The following SMC5 variants were observed in gnomAD, a reference collection of about 807,000 sequenced individuals.
SMC5 encodes the protein structural maintenance of chromosomes 5, also known as structural maintenance of chromosomes protein 5.
SMC5 carries 88 observed loss-of-function variants against 148.3 expected under a neutral mutation model. The observed-to-expected ratio is 0.59, with a 90% CI of 0.50 to 0.71. SMC5 has a LOEUF of 0.71. Among genes scored for constraint, SMC5 ranks in the 30% least tolerant of loss-of-function variants. SMC5 has a pLI of 0.00. For synonymous variants in SMC5, 421 were observed against 432.8 expected, an observed-to-expected ratio of 0.97 and a Z score of 0.34; for missense variants, 1,142 against 1,298.9, an observed-to-expected ratio of 0.88 and a Z score of 1.86.
rs73647462 is a variant in SMC5 at position 70,323,612 on chromosome 9, G to A, written c.2274+6G>A. 2,485 of 1,606,150 alleles carry A rather than the reference G, an allele frequency of 1.5e-3. 44 individuals are homozygous for A. In the African/African-American group the frequency reaches 0.03, roughly 19 times the overall value. On this transcript the variant is annotated splice_donor_region_variant and intron_variant, in intron 16 of 24. Coordinates refer to ENST00000361138, the MANE Select transcript of SMC5 (RefSeq NM_015110.4). The stretch of plus-strand genomic sequence containing the variant: ...AATTAACAAACCTAATAAAGGTAAG[G>A]TATTGTTTTAATTTTAGTCATTTTT...
intron 8 of SMC5, among the ~76,000 whole-genome samples, chr9:70,296,846 T>C (rs973327872): frequency 1.3e-5 from 2 of 152,234 alleles, no homozygotes; most frequent in African/African-American, 4.8e-5. Context: ...GACCATAGTT[T>C]TGATAAAAAT....
At position 70,350,160 on chromosome 9, in the gene SMC5, G is replaced by A. The variant is rs532203884; in HGVS notation, c.2936G>A (p.Ser979Asn). The change falls in exon 23 of 25, where the codon AGT becomes AAT. Residue 979 changes from serine (S) to asparagine (N), a missense_variant. This residue lies in a region of SMC5 where 743 missense variants were observed against 835.7 expected (regional missense o/e 0.89). Transcript: ENST00000361138. The stretch of plus-strand genomic sequence containing the variant: ...ATTCGAATTAGAGTCAAATTTCGAA[G>A]TAGTACTCAACTGCATGAATTAACT... ...YGIRIRVKFR[S>N]STQLHELTPH... 396 of 1,611,394 alleles carry A rather than the reference G, an allele frequency of 2.5e-4. 4 individuals carry two copies. The South Asian group carries it at 4.1e-3, about 17-fold the overall frequency.
Position 70,323,563 on chromosome 9 carries a change from T to C in SMC5, c.2231T>C (p.Val744Ala), listed in dbSNP as rs934992948. Residue 744 changes from valine (V) to alanine (A), a missense_variant, in exon 16 of 25, where the codon GTT becomes GCT. This residue lies in a region of SMC5 where 743 missense variants were observed against 835.7 expected (regional missense o/e 0.89). Coordinates refer to ENST00000361138, the MANE Select transcript of SMC5 (RefSeq NM_015110.4). ...AGTACCAAAATCAAAGAAATAAATG[T>C]TCAAAAAGCGAAACTTGTTACCGAA... ...KASTKIKEIN[V>A]QKAKLVTELT... 2.5e-6 allele frequency: 4 copies of C among 1,612,372 alleles called. No individual in the cohort carries two copies. The African/African-American group carries it at 4.0e-5, about 16-fold the overall frequency.
Position 70,302,470 on chromosome 9 carries a change from C to T in SMC5, c.1464+2270C>T, listed in dbSNP as rs550386783. Among the ~76,000 whole-genome samples the T allele has an allele frequency of 8.7e-5, 13 of 149,932 alleles. No homozygotes were observed. The South Asian group carries it at 1.7e-3, about 20-fold the overall frequency. ...ATCACACTGCTACAATCCAGCCTGG[C>T]GACAGAGCTAGACTCCGTCTCAAGA... On this transcript the variant is annotated intron_variant, in intron 10 of 24. Coordinates refer to ENST00000361138, the MANE Select transcript of SMC5 (RefSeq NM_015110.4).
At chr9:70,260,883 T>C (rs1468280059) in intron 1 of SMC5, among the ~76,000 whole-genome samples, 2 of 152,160 alleles carry the variant, frequency 1.3e-5, no homozygotes, top group Non-Finnish European at 2.9e-5. Flanking sequence ...GCTCGGACTA[T>C]AGGCGCGTAC....
chr9:70,275,787 C>A (rs1056583182), intron 3 of SMC5, among the ~76,000 whole-genome samples: 1 of 152,054 alleles, frequency 6.6e-6, no homozygotes, highest in Non-Finnish European at 1.5e-5. Flanking sequence ...TAATGACACT[C>A]TTAAACCTAC....
intron 7 of SMC5, 36 bp downstream of exon 7, chr9:70,282,619 T>A: frequency 6.6e-7 from 1 of 1,524,688 alleles, no homozygotes; most frequent in Non-Finnish European, 8.8e-7. Flanking sequence ...TATCTGAATT[T>A]TATTTTAGCA....
At chr9:70,280,621 G>A (rs2034721747) in intron 5 of SMC5, 138 bp from the exon 6 acceptor site, 1 of 718,246 alleles carries the variant, frequency 1.4e-6, no homozygotes, top group South Asian at 1.9e-5. Context: ...TGCCTAGGCT[G>A]GAGTCTACAT....
intron 9 of SMC5, among the ~76,000 whole-genome samples, chr9:70,299,183 A>G (rs549990788): frequency 6.6e-6 from 1 of 152,046 alleles, no homozygotes; most frequent in Admixed American, 6.5e-5. Context: ...GGCCGAAAAC[A>G]TTTAGTGTTT....
intron 10 of SMC5, among the ~76,000 whole-genome samples, chr9:70,302,939 A>G (rs2035398245): frequency 6.6e-6 from 1 of 152,138 alleles, no homozygotes; most frequent in South Asian, 2.1e-4. Context: ...TCTAACAAAT[A>G]CACCTTGGGG....
intron 10 of SMC5, among the ~76,000 whole-genome samples, chr9:70,304,128 A>G (rs916345029): frequency 6.6e-6 from 1 of 152,098 alleles, no homozygotes. Flanking sequence ...TCACTCTGTC[A>G]CCCAGGATGG....
chr9:70,309,659 T>G (rs1291548613), intron 11 of SMC5, among the ~76,000 whole-genome samples: 2 of 152,180 alleles, frequency 1.3e-5, no homozygotes, highest in Non-Finnish European at 2.9e-5. Flanking sequence ...AGCAATTCAG[T>G]TACATCTTTG....
chr9:70,275,168 G>A (rs1406244928), intron 3 of SMC5, among the ~76,000 whole-genome samples: 1 of 152,014 alleles, frequency 6.6e-6, no homozygotes, highest in East Asian at 1.9e-4. Context: ...TATATTGACA[G>A]GTCTCTTTTC....
At chr9:70,296,247 A>C (rs1325486741) in intron 8 of SMC5, among the ~76,000 whole-genome samples, 1 of 152,204 alleles carries the variant, frequency 6.6e-6, no homozygotes, top group Non-Finnish European at 1.5e-5. Context: ...CTCTCAATGC[A>C]TTTTTAGTGA....
chr9:70,347,599 T>G lies in SMC5; in HGVS notation c.2665-14T>G. 7.0e-7 allele frequency: 1 copy of G among 1,426,906 alleles called. No homozygotes were observed. The highest frequency in any genetic ancestry group is 1.5e-5 in the African/African-American group (1 of 68,846). 88.4% of individuals were successfully genotyped at this position (1,426,906 alleles called of 1,614,324 possible). A position where few individuals can be genotyped will look rare whatever the true frequency, so the allele number is the denominator to read the frequency against. On this transcript the variant is annotated splice_polypyrimidine_tract_variant and intron_variant, in intron 20 of 24. Coordinates refer to ENST00000361138, the MANE Select transcript of SMC5 (RefSeq NM_015110.4). ...GTAGATTTATCTTAAAGAAGTTTTTTTTTCCCCTGCCAGATTGTTCAGGAA... is the reference window on the plus strand; with the variant it reads ...GTAGATTTATCTTAAAGAAGTTTTTGTTTCCCCTGCCAGATTGTTCAGGAA...
chr9:70,338,297 C>T (rs570164862), intron 17 of SMC5, among the ~76,000 whole-genome samples: 1 of 152,328 alleles, frequency 6.6e-6, no homozygotes. Context: ...AGGCATGTGC[C>T]ACCATGCCCA....
chr9:70,331,456 G>T (rs1261223215), intron 17 of SMC5, among the ~76,000 whole-genome samples: 1 of 151,560 alleles, frequency 6.6e-6, no homozygotes, highest in African/African-American at 2.4e-5. Flanking sequence ...CTTGATAATA[G>T]AAATTATTGA....
chr9:70,295,032 G>A (rs1418716487), intron 8 of SMC5, among the ~76,000 whole-genome samples: 1 of 152,058 alleles, frequency 6.6e-6, no homozygotes, highest in African/African-American at 2.4e-5. Flanking sequence ...AAAGGAGGAA[G>A]GAGTACAGTG....
chr9:70,285,874 C>T (rs2034885788), intron 7 of SMC5, among the ~76,000 whole-genome samples: 1 of 152,102 alleles, frequency 6.6e-6, no homozygotes, highest in Non-Finnish European at 1.5e-5. Context: ...ATAAAGGTTA[C>T]TTGGCCTCTT....
Sources: gnomAD v4.1 joint callset for allele counts (sites outside exome capture counted in the v4.1 genomes callset) on GRCh38, gnomAD v4.1.1 for gene constraint, gnomAD v4.1.1 regional missense constraint, MANE v1.5 for transcripts, NCBI Gene and HGNC (gene_info 2026-07-23, HGNC 2026-07-21) for gene names.